CCDC178: variants seen among roughly 807,000 people sequenced by gnomAD.
CCDC178 encodes coiled-coil domain-containing protein 178.
A neutral mutation model predicts 117.4 loss-of-function variants in CCDC178; 126 were observed. The ratio of observed to expected loss-of-function variants is 1.07; its 90% CI spans 0.93 to 1.24. The LOEUF is 1.24. Ranked by LOEUF, CCDC178 falls within the 50% of genes most tolerant of loss-of-function variation. The pLI is 0.00. For missense variants in CCDC178, 1,030 were observed against 986.9 expected (o/e 1.04, Z -0.59); for synonymous variants, 283 against 313.4 (o/e 0.90, Z 1.02).
intron 17 of CCDC178, among the ~76,000 whole-genome samples, chr18:33,223,664 G>A (rs1224006913): frequency 6.6e-6 from 1 of 152,152 alleles, no homozygotes; most frequent in East Asian, 1.9e-4. Flanking sequence ...ACAAGAAGAT[G>A]TAAAACCATG....
At chr18:33,042,862 A>G (rs2056574368) in intron 21 of CCDC178, among the ~76,000 whole-genome samples, 1 of 151,972 alleles carries the variant, frequency 6.6e-6, no homozygotes, top group Non-Finnish European at 1.5e-5. Context: ...ATAATGGTGG[A>G]GAATTTTCCA....
chr18:33,398,702 T>C (rs1233649128), intron 3 of CCDC178, among the ~76,000 whole-genome samples: 1 of 152,156 alleles, frequency 6.6e-6, no homozygotes, highest in Non-Finnish European at 1.5e-5. Context: ...AGTGAAATAA[T>C]GACCACACCA....
At chr18:33,233,412 A>G (rs1211733352) in intron 15 of CCDC178, among the ~76,000 whole-genome samples, 1 of 152,046 alleles carries the variant, frequency 6.6e-6, no homozygotes, top group Non-Finnish European at 1.5e-5. Flanking sequence ...TAAGTATGGG[A>G]GGTAAAAGAA....
chr18:33,303,458 A>C (rs1389822568), intron 11 of CCDC178, among the ~76,000 whole-genome samples: 2 of 152,212 alleles, frequency 1.3e-5, no homozygotes, highest in Non-Finnish European at 2.9e-5. Flanking sequence ...TAGAATGTAC[A>C]TCATGAGTGA....
chr18:33,369,847 T>C (rs2063271936), intron 6 of CCDC178, among the ~76,000 whole-genome samples: 2 of 151,910 alleles, frequency 1.3e-5, no homozygotes, highest in African/African-American at 4.8e-5. Flanking sequence ...AAACATCGAT[T>C]TAATAAGGTC....
chr18:33,418,586 A>C (rs2063979761), intron 2 of CCDC178, among the ~76,000 whole-genome samples: 1 of 152,120 alleles, frequency 6.6e-6, no homozygotes, highest in African/African-American at 2.4e-5. Context: ...ATCTAAAAAA[A>C]AAAACCGATA....
chr18:33,379,421 T>C (rs779717727), intron 5 of CCDC178, among the ~76,000 whole-genome samples: 1 of 151,932 alleles, frequency 6.6e-6, no homozygotes, highest in Non-Finnish European at 1.5e-5. Flanking sequence ...GGGTATACAC[T>C]TGATTCTTGT....
chr18:33,229,247 G>A (rs2059343548), intron 15 of CCDC178, among the ~76,000 whole-genome samples: 1 of 152,130 alleles, frequency 6.6e-6, no homozygotes, highest in Non-Finnish European at 1.5e-5. Context: ...TTTGCCCCAA[G>A]TTGGACTAAG....
intron 21 of CCDC178, among the ~76,000 whole-genome samples, chr18:32,995,751 A>G (rs564631714): frequency 6.6e-6 from 1 of 152,242 alleles, no homozygotes; most frequent in East Asian, 1.9e-4. Flanking sequence ...TTGGGAATTT[A>G]TAAGTCAACT....
chr18:33,300,144 C>T (rs918251937), intron 11 of CCDC178, among the ~76,000 whole-genome samples: 17 of 152,086 alleles, frequency 1.1e-4, no homozygotes, highest in African/African-American at 3.4e-4. Flanking sequence ...CTCTCTCTTT[C>T]GCTCCCACTC....
At chr18:33,251,187 A>G (rs1011356452) in intron 14 of CCDC178, among the ~76,000 whole-genome samples, 1 of 151,732 alleles carries the variant, frequency 6.6e-6, no homozygotes, top group African/African-American at 2.4e-5. Context: ...GTGTTTTCAT[A>G]CTTTATAAAA....
At chr18:33,135,985 T>C (rs962384034) in intron 20 of CCDC178, 3 of 152,164 alleles carry the variant, frequency 2.0e-5, no homozygotes, top group African/African-American at 7.2e-5. Flanking sequence ...TCTGTACAAA[T>C]GACTGTTTTA....
At chr18:33,334,067 A>G (rs1050113429) in intron 9 of CCDC178, among the ~76,000 whole-genome samples, 2 of 152,186 alleles carry the variant, frequency 1.3e-5, no homozygotes, top group Non-Finnish European at 2.9e-5. Flanking sequence ...TACAAATATC[A>G]GAACGAAAAA....
At chr18:32,952,474 C>A (rs1361102334) in intron 22 of CCDC178, among the ~76,000 whole-genome samples, 1 of 152,230 alleles carries the variant, frequency 6.6e-6, no homozygotes, top group Non-Finnish European at 1.5e-5. Context: ...CTTTTAGCTA[C>A]AGCTGGAGCT....
intron 6 of CCDC178, among the ~76,000 whole-genome samples, chr18:33,368,146 AGGTATT>A (rs1390992577): frequency 1.3e-5 from 2 of 151,990 alleles, no homozygotes; most frequent in Non-Finnish European, 2.9e-5. Flanking sequence ...TGTACATATA[AGGTATT>A]TGACTTCTCT....
At chr18:33,235,858 T>C (rs1332946096) in intron 15 of CCDC178, among the ~76,000 whole-genome samples, 1 of 152,204 alleles carries the variant, frequency 6.6e-6, no homozygotes, top group Non-Finnish European at 1.5e-5. Context: ...ACTATTAAAT[T>C]GACTTATTCC....
intron 10 of CCDC178, among the ~76,000 whole-genome samples, chr18:33,327,163 G>A (rs1599166251): frequency 6.6e-6 from 1 of 152,172 alleles, no homozygotes; most frequent in African/African-American, 2.4e-5. Flanking sequence ...TGTGTCTATG[G>A]ATTTACCTAT....
chr18:33,437,433 A>C (rs1053116613), intron 2 of CCDC178, among the ~76,000 whole-genome samples: 2 of 152,114 alleles, frequency 1.3e-5, no homozygotes, highest in African/African-American at 2.4e-5. Flanking sequence ...TTTATTTAAC[A>C]TGCCCAGGTA....
chr18:33,300,229 A>G lies in CCDC178; in HGVS notation c.1023-6917T>C, dbSNP rs528744714. ...GATTGTTACCTTCCTGAGGCCCTCA[A>G]TAGAAGCCAAGCAAATGTTGCTGCC... On this transcript the variant is annotated intron_variant, in intron 11 of 22. Coordinates refer to ENST00000383096, the MANE Select transcript of CCDC178 (RefSeq NM_001105528.4). 5.1e-4 allele frequency among the ~76,000 whole-genome samples: 78 copies of G among 152,290 alleles called. 1 individual carries two copies. The highest frequency in any genetic ancestry group is 1.8e-3 in the African/African-American group (74 of 41,554).
Sources: allele counts gnomAD v4.1 joint callset (sites outside exome capture counted in the v4.1 genomes callset), GRCh38; gene constraint gnomAD v4.1.1; transcripts MANE v1.5; gene names NCBI Gene and HGNC (gene_info 2026-07-23, HGNC 2026-07-21).